Variants in XYLT1 observed in about 807,000 individuals in gnomAD.
XYLT1 encodes the protein xylosyltransferase 1.
XYLT1 carries 36 observed loss-of-function variants against 91.3 expected under a neutral mutation model. That is an observed-to-expected ratio of 0.39 (90% CI 0.30 to 0.52). The LOEUF (loss-of-function observed/expected upper bound fraction) is 0.52, where lower values mean the gene tolerates loss of function less well. XYLT1 is among the 20% of genes least tolerant of loss of function. The probability of loss-of-function intolerance (pLI) is 0.68; values close to 1 mark genes in which losing one functional copy is unlikely to be tolerated. For synonymous variants in XYLT1, 588 were observed against 532.0 expected (o/e 1.11, Z -1.45); for missense variants, 1,242 against 1,284.5 (o/e 0.97, Z 0.51).
At chr16:17,398,723 G>C (rs2141898778) in intron 1 of XYLT1, among the ~76,000 whole-genome samples, 1 of 151,230 alleles carries the variant, frequency 6.6e-6, no homozygotes, top group South Asian at 2.1e-4. Context: ...TGGGAATCTT[G>C]AATGTTCCTT....
intron 5 of XYLT1, among the ~76,000 whole-genome samples, chr16:17,195,394 C>T (rs555105761): frequency 6.6e-6 from 1 of 152,134 alleles, no homozygotes; most frequent in South Asian, 2.1e-4. Flanking sequence ...CTGCTTATGG[C>T]CCTCGAGTTT....
chr16:17,369,192 T>C (rs989868222), intron 1 of XYLT1, among the ~76,000 whole-genome samples: 1 of 149,880 alleles, frequency 6.7e-6, no homozygotes, highest in East Asian at 2.0e-4. Flanking sequence ...TGCAGTGGCG[T>C]GATCTCGGCT....
At chr16:17,416,770 T>C (rs1279816242) in intron 1 of XYLT1, among the ~76,000 whole-genome samples, 2 of 152,190 alleles carry the variant, frequency 1.3e-5, no homozygotes, top group African/African-American at 2.4e-5. Flanking sequence ...GGGGCAAGCA[T>C]CTGCACCGTG....
intron 3 of XYLT1, chr16:17,228,027 TG>T (rs2033096924): frequency 6.6e-6 from 1 of 152,236 alleles, no homozygotes; most frequent in South Asian, 2.1e-4. Context: ...CCTTAGCTCG[TG>T]GAACCCCAAG....
chr16:17,310,710 G>A (rs1596475904), intron 2 of XYLT1, among the ~76,000 whole-genome samples: 2 of 152,094 alleles, frequency 1.3e-5, no homozygotes, highest in African/African-American at 2.4e-5. Flanking sequence ...TTAGCCAGGC[G>A]TGGTGGCACA....
intron 2 of XYLT1, among the ~76,000 whole-genome samples, chr16:17,274,452 C>T (rs544301240): frequency 1.3e-5 from 2 of 152,198 alleles, no homozygotes; most frequent in South Asian, 2.1e-4. Context: ...CACTCCCTGA[C>T]AGATGGGGCA....
chr16:17,269,034 G>A (rs969760404), intron 2 of XYLT1, among the ~76,000 whole-genome samples: 3 of 152,138 alleles, frequency 2.0e-5, no homozygotes, highest in East Asian at 1.9e-4. Context: ...CATCCTCAGG[G>A]AGGAAGAATG....
intron 3 of XYLT1, among the ~76,000 whole-genome samples, chr16:17,251,756 C>T (rs962839416): frequency 2.0e-5 from 3 of 152,316 alleles, no homozygotes; most frequent in African/African-American, 7.2e-5. Context: ...GGAAAAGATG[C>T]TTTGACAATG....
chr16:17,226,379 A>G (rs576397196), intron 3 of XYLT1, among the ~76,000 whole-genome samples: 1 of 152,336 alleles, frequency 6.6e-6, no homozygotes, highest in South Asian at 2.1e-4. Flanking sequence ...TATGGGCTGG[A>G]TAACTCTCTA....
chr16:17,464,376 C>T (rs987340548), intron 1 of XYLT1, among the ~76,000 whole-genome samples: 6 of 151,562 alleles, frequency 4.0e-5, no homozygotes, highest in African/African-American at 1.5e-4. Flanking sequence ...CCTGTAATCC[C>T]AGCTAATCAG....
chr16:17,197,979 G>T, intron 5 of XYLT1: 1 of 587,574 alleles, frequency 1.7e-6, no homozygotes, highest in East Asian at 2.8e-5. Context: ...TCTGTTTAGT[G>T]CACTGGCATA....
At chr16:17,341,040 C>A (rs1036996859) in intron 2 of XYLT1, among the ~76,000 whole-genome samples, 1 of 152,110 alleles carries the variant, frequency 6.6e-6, no homozygotes, top group Non-Finnish European at 1.5e-5. Context: ...AACAGGAAAC[C>A]ACGTAAGGCT....
chr16:17,213,056 G>C (rs1369445693), intron 3 of XYLT1, among the ~76,000 whole-genome samples: 1 of 152,182 alleles, frequency 6.6e-6, no homozygotes, highest in African/African-American at 2.4e-5. Context: ...ATCTCATGTT[G>C]AATGGTAACC....
chr16:17,138,313 A>AGGCATCAC, intron 8 of XYLT1, 42 bp downstream of exon 8: 1 of 1,586,370 alleles, frequency 6.3e-7, no homozygotes, highest in Non-Finnish European at 8.6e-7. Flanking sequence ...TTTGTTGGGA[A>AGGCATCAC]GGCATCACTT....
Position 17,253,200 on chromosome 16 carries a change from C to A in XYLT1, c.913+5788G>T, listed in dbSNP as rs79619076. Among the ~76,000 whole-genome samples the A allele has an allele frequency of 9.8e-5, 15 of 152,310 alleles. No homozygotes were observed. The East Asian group carries it at 2.7e-3, about 27-fold the overall frequency. ...CCGTTTTGTTCCATGGGAAGTTGTT[C>A]ATTGATAACTACCCAATTAGGGTTA... On this transcript the variant is annotated intron_variant, in intron 3 of 11. Transcript: ENST00000261381.
intron 5 of XYLT1, among the ~76,000 whole-genome samples, chr16:17,188,821 T>C (rs1863587428): frequency 6.6e-6 from 1 of 152,182 alleles, no homozygotes; most frequent in Admixed American, 6.5e-5. Context: ...GGTGCCATTA[T>C]TATGCCCATT....
intron 1 of XYLT1, among the ~76,000 whole-genome samples, chr16:17,366,040 T>C (rs945835307): frequency 3.7e-4 from 55 of 150,258 alleles, no homozygotes; most frequent in African/African-American, 1.3e-3. Flanking sequence ...TGGTGGCCTG[T>C]GGATGCTTCA....
At chr16:17,306,097 G>T (rs1455024273) in intron 2 of XYLT1, among the ~76,000 whole-genome samples, 1 of 152,094 alleles carries the variant, frequency 6.6e-6, no homozygotes, top group Non-Finnish European at 1.5e-5. Context: ...GGTGCCAAAG[G>T]ACTGCCGAAG....
intron 3 of XYLT1, among the ~76,000 whole-genome samples, chr16:17,218,229 G>A (rs557583584): frequency 6.6e-6 from 1 of 152,170 alleles, no homozygotes; most frequent in South Asian, 2.1e-4. Flanking sequence ...CTGCGCTCCA[G>A]CCTAGTGACA....
Sources: gnomAD v4.1 joint callset for allele counts (sites outside exome capture counted in the v4.1 genomes callset) on GRCh38, gnomAD v4.1.1 for gene constraint, MANE v1.5 for transcripts, NCBI Gene and HGNC (gene_info 2026-07-23, HGNC 2026-07-21) for gene names.